Variants in ZNF536 observed in about 807,000 individuals in gnomAD.
ZNF536 encodes zinc finger protein 536.
Under a neutral mutation model 84.5 loss-of-function variants are expected in ZNF536, and 13 were observed. That is an observed-to-expected ratio of 0.15 (90% CI 0.10 to 0.24). The LOEUF (loss-of-function observed/expected upper bound fraction) is 0.24, where lower values mean the gene tolerates loss of function less well. Ranked by LOEUF, ZNF536 falls within the 10% of genes least tolerant of loss-of-function variation. The pLI is 1.00. For missense variants in ZNF536, 1,536 were observed against 1,747.5 expected, an observed-to-expected ratio of 0.88 and a Z score of 2.16; for synonymous variants, 811 against 742.5, an observed-to-expected ratio of 1.09 and a Z score of -1.50.
At chr19:30,418,144 G>A (rs1394050989) in intron 1 of ZNF536, among the ~76,000 whole-genome samples, 1 of 151,896 alleles carries the variant, frequency 6.6e-6, no homozygotes, top group Admixed American at 6.6e-5. Flanking sequence ...AATTTTGCTG[G>A]AGGATTTTTG....
At chr19:30,490,079 T>G (rs1271239668) in intron 2 of ZNF536, among the ~76,000 whole-genome samples, 4 of 152,228 alleles carry the variant, frequency 2.6e-5, no homozygotes, top group Non-Finnish European at 5.9e-5. Context: ...GAGTTTGGTT[T>G]TGGAGGATCT....
At chr19:30,689,241 G>T (rs567542226) in intron 1 of ZNF536, among the ~76,000 whole-genome samples, 2 of 152,336 alleles carry the variant, frequency 1.3e-5, no homozygotes, top group Non-Finnish European at 2.9e-5. Context: ...CTGTCTGCCT[G>T]CATCTGGAAT....
intron 3 of ZNF536, among the ~76,000 whole-genome samples, chr19:30,537,746 T>G (rs916963735): frequency 3.3e-5 from 5 of 152,148 alleles, no homozygotes; most frequent in Non-Finnish European, 5.9e-5. Context: ...TTCACAAACC[T>G]TGGAATACTC....
At chr19:30,711,705 T>C (rs887846200) in exon 2 of ZNF536, 4 of 152,132 alleles carry the variant, frequency 2.6e-5, no homozygotes, top group African/African-American at 9.7e-5. Flanking sequence ...ATTGCAGGTT[T>C]GATGAGTAAT....
intron 1 of ZNF536, among the ~76,000 whole-genome samples, chr19:30,644,713 T>C (rs1386484490): frequency 1.3e-5 from 2 of 152,376 alleles, no homozygotes; most frequent in Non-Finnish European, 2.9e-5. Context: ...TTTTTATGGC[T>C]GCACAGTATT....
Position 30,548,007 on chromosome 19 carries a change from C to T in ZNF536, c.2388C>T (p.Tyr796=), listed in dbSNP as rs2146176661. The change falls in exon 4 of 5, where the codon TAC becomes TAT. Residue 796 remains tyrosine, a synonymous_variant. Transcript: ENST00000355537. ...GCACGCAGTCAGCATCCTTAAAATA[C>T]CACTTAGAGCGACACCATCGGGAGC... ...YAGTQSASLK[Y]HLERHHRERQ... is the part of the protein sequence containing the mutation. 1.2e-6 allele frequency: 2 copies of T among 1,609,902 alleles called. No individual in the cohort carries two copies. Among genetic ancestry groups the T allele is most frequent in the Non-Finnish European group, 1.7e-6 (2 of 1,178,144 alleles).
intron 2 of ZNF536, among the ~76,000 whole-genome samples, chr19:30,292,066 C>A (rs894403298): frequency 2.6e-4 from 40 of 152,132 alleles, no homozygotes; most frequent in African/African-American, 8.7e-4. Flanking sequence ...AAAATAGTTA[C>A]CACCTGGCAC....
At chr19:30,536,664 G>C (rs1286500889) in intron 3 of ZNF536, among the ~76,000 whole-genome samples, 3 of 152,266 alleles carry the variant, frequency 2.0e-5, no homozygotes, top group African/African-American at 7.2e-5. Context: ...CATTGTTCAA[G>C]GTGGCGCAGA....
intron 2 of ZNF536, among the ~76,000 whole-genome samples, chr19:30,289,311 A>G (rs928222682): frequency 1.3e-5 from 2 of 152,218 alleles, no homozygotes; most frequent in African/African-American, 4.8e-5. Flanking sequence ...TATGTATGCA[A>G]GTATCTTGCT....
chr19:30,475,087 GT>G (rs1175588935), intron 2 of ZNF536, among the ~76,000 whole-genome samples: 12 of 151,978 alleles, frequency 7.9e-5, no homozygotes, highest in African/African-American at 2.9e-4. Flanking sequence ...TTGTTGTTTG[GT>G]TTTTTATTTT....
At chr19:30,470,241 T>C (rs1307418601) in intron 2 of ZNF536, among the ~76,000 whole-genome samples, 5 of 152,222 alleles carry the variant, frequency 3.3e-5, no homozygotes, top group Admixed American at 2.6e-4. Context: ...AAATTTCTAA[T>C]TTTTGAATAG....
At chr19:30,669,838 C>A (rs1024492419) in intron 1 of ZNF536, among the ~76,000 whole-genome samples, 8 of 152,216 alleles carry the variant, frequency 5.3e-5, no homozygotes, top group African/African-American at 1.9e-4. Flanking sequence ...TGTTCAATGA[C>A]GTATTCATTG....
intron 1 of ZNF536, among the ~76,000 whole-genome samples, chr19:30,277,803 C>T (rs1004247067): frequency 6.6e-6 from 1 of 152,250 alleles, no homozygotes; most frequent in African/African-American, 2.4e-5. Context: ...GCTTGTCCTC[C>T]TCTTTGAGAC....
At chr19:30,305,585 G>A (rs1254687265) in intron 2 of ZNF536, among the ~76,000 whole-genome samples, 1 of 152,202 alleles carries the variant, frequency 6.6e-6, no homozygotes, top group Non-Finnish European at 1.5e-5. Context: ...AGCTGCAGGG[G>A]TGGTTGTTTC....
At chr19:30,287,927 A>G (rs1323409364) in intron 2 of ZNF536, among the ~76,000 whole-genome samples, 1 of 152,206 alleles carries the variant, frequency 6.6e-6, no homozygotes, top group African/African-American at 2.4e-5. Context: ...TCTCACTTTT[A>G]CCATCTATTC....
intron 2 of ZNF536, among the ~76,000 whole-genome samples, chr19:30,305,164 T>G (rs1334252146): frequency 6.6e-6 from 1 of 152,198 alleles, no homozygotes. Flanking sequence ...CCAAATGGAC[T>G]GGACAGTGTG....
chr19:30,710,417 G>C (rs970415701), intron 1 of ZNF536, among the ~76,000 whole-genome samples: 1 of 152,184 alleles, frequency 6.6e-6, no homozygotes, highest in Non-Finnish European at 1.5e-5. Context: ...TGGTGTACCT[G>C]TAGTCCCAGC....
At chr19:30,443,077 A>G (rs2052136519) in intron 1 of ZNF536, among the ~76,000 whole-genome samples, 1 of 146,430 alleles carries the variant, frequency 6.8e-6, no homozygotes, top group Non-Finnish European at 1.5e-5. Flanking sequence ...TCATAAAATG[A>G]TCTCTTTCAT....
chr19:30,668,247 G>T (rs992238965), intron 1 of ZNF536, among the ~76,000 whole-genome samples: 1 of 152,192 alleles, frequency 6.6e-6, no homozygotes, highest in Non-Finnish European at 1.5e-5. Flanking sequence ...ACCATGTAGA[G>T]ATTCCACAGT....
Sources: gnomAD v4.1 joint callset for allele counts (sites outside exome capture counted in the v4.1 genomes callset) on GRCh38, gnomAD v4.1.1 for gene constraint, MANE v1.5 for transcripts, NCBI Gene and HGNC (gene_info 2026-07-23, HGNC 2026-07-21) for gene names.